PCDH15: variants seen among roughly 807,000 people sequenced by gnomAD.
PCDH15 encodes protocadherin related 15, also known as protocadherin-15.
A neutral mutation model predicts 178.5 loss-of-function variants in PCDH15; 129 were observed. That is an observed-to-expected ratio of 0.72 (90% CI 0.63 to 0.84). The LOEUF is 0.84. Ranked by LOEUF, PCDH15 falls within the 40% of genes least tolerant of loss-of-function variation. The pLI, the probability that PCDH15 is intolerant of heterozygous loss-of-function variation, is 0.00. For synonymous variants in PCDH15, 800 were observed against 732.0 expected (o/e 1.09, Z -1.50); for missense variants, 2,230 against 2,099.9 (o/e 1.06, Z -1.21).
intron 2 of PCDH15, among the ~76,000 whole-genome samples, chr10:55,582,609 T>C (rs1842638101): frequency 1.1e-5 from 1 of 90,604 alleles, no homozygotes; most frequent in Middle Eastern, 4.8e-3. Flanking sequence ...TATATATATA[T>C]ATATATATAT....
chr10:53,884,027 A>AAAAAAC (rs1554843462), intron 26 of PCDH15, among the ~76,000 whole-genome samples: 49 of 151,604 alleles, frequency 3.2e-4, no homozygotes, highest in Non-Finnish European at 4.7e-4. Context: ...GTTTTTGTAA[A>AAAAAAC]AAAACAAAAC....
chr10:54,527,774 C>T (rs751291155), intron 3 of PCDH15, 38 bp downstream of exon 3: 9 of 1,522,968 alleles, frequency 5.9e-6, no homozygotes, highest in East Asian at 4.5e-5. Context: ...AGAAAACCCT[C>T]TTAGATAAGA....
intron 8 of PCDH15, 109 bp downstream of exon 8, chr10:54,317,162 A>T (rs1477981260): frequency 1.7e-6 from 2 of 1,146,612 alleles, no homozygotes; most frequent in African/African-American, 3.1e-5. Flanking sequence ...TTCAATGTGC[A>T]TATACTGAGT....
chr10:54,692,603 G>T (rs1275403538), intron 1 of PCDH15, among the ~76,000 whole-genome samples: 1 of 150,912 alleles, frequency 6.6e-6, no homozygotes, highest in Admixed American at 6.6e-5. Flanking sequence ...TTAGAGCTGT[G>T]ATTCAGTTTA....
At chr10:54,064,556 T>C (rs2094100213) in intron 18 of PCDH15, among the ~76,000 whole-genome samples, 1 of 152,104 alleles carries the variant, frequency 6.6e-6, no homozygotes, top group Non-Finnish European at 1.5e-5. Flanking sequence ...AGGCTGTTTA[T>C]GAGGAGAAGT....
rs16906064 is a variant in PCDH15 at position 54,396,892 on chromosome 10, A to G, written c.158-17950T>C. Among the ~76,000 whole-genome samples, 178 of 151,838 alleles carry G rather than the reference A, an allele frequency of 1.2e-3. 1 individual carries two copies. The East Asian group carries it at 0.018, about 15-fold the overall frequency. On this transcript the variant is annotated intron_variant, in intron 3 of 37. Transcript: ENST00000644397. Reference sequence around the variant, plus strand: ...TTCTGATTTTTTTCCAAATATTCCGACAGTGGAAAATGTTCAAACAAAATT... The same window carrying G: ...TTCTGATTTTTTTCCAAATATTCCGGCAGTGGAAAATGTTCAAACAAAATT...
chr10:54,377,104 G>T (rs1314931616), intron 4 of PCDH15, among the ~76,000 whole-genome samples: 1 of 151,842 alleles, frequency 6.6e-6, no homozygotes, highest in Non-Finnish European at 1.5e-5. Flanking sequence ...ACAGCAAAAT[G>T]AACAGCATAA....
At chr10:54,540,259 T>C (rs921719329) in intron 2 of PCDH15, among the ~76,000 whole-genome samples, 3 of 152,068 alleles carry the variant, frequency 2.0e-5, no homozygotes, top group South Asian at 2.1e-4. Flanking sequence ...ACTGACTATA[T>C]GACTATATAA....
At position 55,535,618 on chromosome 10, in the gene PCDH15, AC is replaced by A. The variant is rs143058873; in HGVS notation, c.-156+92006del. Among the ~76,000 whole-genome samples, 884 of 152,174 alleles carry A rather than the reference AC, an allele frequency of 5.8e-3. 9 individuals are homozygous for A. Among genetic ancestry groups the A allele is most frequent in the African/African-American group, 0.021 (853 of 41,552 alleles). ...AAAGAAATATACAAGTTAACATTTAACTTTGCACCTTCTAGGAAATAATCAA... is the reference window on the plus strand; with the variant it reads ...AAAGAAATATACAAGTTAACATTTAATTTGCACCTTCTAGGAAATAATCAA... On this transcript the variant is annotated intron_variant, in intron 2 of 5. Coordinates refer to the PCDH15 transcript ENST00000613346.
At chr10:54,403,231 G>A (rs1219973666) in intron 3 of PCDH15, among the ~76,000 whole-genome samples, 1 of 152,038 alleles carries the variant, frequency 6.6e-6, no homozygotes, top group Non-Finnish European at 1.5e-5. Flanking sequence ...TGAAGGCTGA[G>A]AGAGGTGAGG....
intron 2 of PCDH15, among the ~76,000 whole-genome samples, chr10:55,484,867 C>T (rs1840263904): frequency 6.6e-6 from 1 of 151,640 alleles, no homozygotes; most frequent in African/African-American, 2.4e-5. Context: ...TGTCTCTTAC[C>T]ATATACAAAA....
At chr10:54,301,850 C>T (rs894404827) in intron 8 of PCDH15, among the ~76,000 whole-genome samples, 3 of 152,166 alleles carry the variant, frequency 2.0e-5, no homozygotes, top group African/African-American at 4.8e-5. Context: ...GCACCCACCA[C>T]ATCTATAAGA....
At chr10:54,287,482 T>C (rs1190115695) in intron 8 of PCDH15, among the ~76,000 whole-genome samples, 1 of 152,316 alleles carries the variant, frequency 6.6e-6, no homozygotes, top group Admixed American at 6.5e-5. Flanking sequence ...TCTGTTACTT[T>C]GGTGGGCCAG....
At chr10:54,346,527 A>C (rs776016326) in intron 5 of PCDH15, 43 bp from the exon 6 acceptor site, 2 of 1,606,956 alleles carry the variant, frequency 1.2e-6, no homozygotes, top group South Asian at 2.2e-5. Flanking sequence ...TCATTTTATC[A>C]ACTGCACACC....
intron 3 of PCDH15, among the ~76,000 whole-genome samples, chr10:54,809,142 G>A (rs1023807525): frequency 6.6e-6 from 1 of 152,078 alleles, no homozygotes; most frequent in Non-Finnish European, 1.5e-5. Flanking sequence ...TAACCATAGG[G>A]TATCTTGCTC....
At chr10:54,181,045 A>T (rs2047938941) in intron 13 of PCDH15, among the ~76,000 whole-genome samples, 1 of 152,272 alleles carries the variant, frequency 6.6e-6, no homozygotes, top group South Asian at 2.1e-4. Flanking sequence ...TCTTACTTAC[A>T]CTTTGTAGTT....
At chr10:55,048,092 A>G (rs1003460949) in intron 2 of PCDH15, among the ~76,000 whole-genome samples, 4 of 151,868 alleles carry the variant, frequency 2.6e-5, no homozygotes, top group African/African-American at 9.7e-5. Flanking sequence ...GGCACTTTGA[A>G]TGCTCTGATA....
intron 28 of PCDH15, among the ~76,000 whole-genome samples, chr10:53,849,203 C>A (rs571018931): frequency 1.3e-5 from 2 of 152,092 alleles, no homozygotes; most frequent in Non-Finnish European, 2.9e-5. Context: ...AGCCCTGCCT[C>A]ATTCTTTAGT....
chr10:54,798,296 G>A (rs184413708), intron 1 of PCDH15, among the ~76,000 whole-genome samples: 27 of 151,774 alleles, frequency 1.8e-4, no homozygotes, highest in Middle Eastern at 3.4e-3. Context: ...ACTAATAAAT[G>A]AAGCCCCACA....
Sources: allele counts gnomAD v4.1 joint callset (sites outside exome capture counted in the v4.1 genomes callset), GRCh38; gene constraint gnomAD v4.1.1; transcripts MANE v1.5; gene names NCBI Gene and HGNC (gene_info 2026-07-23, HGNC 2026-07-21).